NAA50: variants seen among roughly 807,000 people sequenced by gnomAD.
NAA50 encodes the protein N-alpha-acetyltransferase 50, NatE catalytic subunit, also known as N-alpha-acetyltransferase 50.
In NAA50, 7 loss-of-function variants were observed where a neutral mutation model predicts 20.7. That is an observed-to-expected ratio of 0.34 (90% CI 0.19 to 0.63). The LOEUF is 0.63. Ranked by LOEUF, NAA50 falls within the 30% of genes least tolerant of loss-of-function variation. NAA50 has a pLI of 0.75. For missense variants in NAA50, 111 were observed against 199.1 expected (o/e 0.56, Z 2.66); for synonymous variants, 54 against 70.6 (o/e 0.77, Z 1.18).
intron 1 of NAA50, among the ~76,000 whole-genome samples, chr3:113,727,356 T>A (rs919704452): frequency 6.6e-6 from 1 of 152,196 alleles, no homozygotes; most frequent in African/African-American, 2.4e-5. Flanking sequence ...ATGAAAGAAC[T>A]TGAGGTTTTT....
Position 113,723,481 on chromosome 3 carries a change from T to C in NAA50, c.206A>G (p.Gln69Arg). 6.2e-7 allele frequency: 1 copy of C among 1,613,278 alleles called. No individual in the cohort carries two copies. The highest frequency in any genetic ancestry group is 8.5e-7 in the Non-Finnish European group (1 of 1,179,550). Reference sequence around the variant, plus strand: ...TAGTGTCATGATGTAAAGTCTCTTCTGATTCTGTGAATGATCCACCCTACA... The same window carrying C: ...TAGTGTCATGATGTAAAGTCTCTTCCGATTCTGTGAATGATCCACCCTACA... ...VCCRVDHSQN[Q>R]KRLYIMTLGC... is the part of the protein sequence containing the mutation. The change falls in exon 3 of 5, where the codon CAG becomes CGG. Residue 69 changes from glutamine (Q) to arginine (R), a missense_variant. Gln to Arg is a conservative substitution (Grantham distance 43). Transcript: ENST00000240922.
chr3:113,720,740 C>T lies in NAA50; in HGVS notation c.*1020G>A, dbSNP rs1049475415. 2 of 152,276 alleles carry T rather than the reference C, an allele frequency of 1.3e-5. No individual in the cohort carries two copies. The highest frequency in any genetic ancestry group is 4.8e-5 in the African/African-American group (2 of 41,438). The allele number at this position is 152,276 out of a possible 1,614,324, so 9.4% of individuals were successfully genotyped here. A position where few individuals can be genotyped will look rare whatever the true frequency, so the allele number is the denominator to read the frequency against. ...TAAAATCAAATGCTCAGTGGCCACA[C>T]TTTTAACAGCTGGCATTAGATGACA... On this transcript the variant is annotated 3_prime_UTR_variant, in exon 5 of 5. Coordinates refer to ENST00000240922, the MANE Select transcript of NAA50 (RefSeq NM_025146.4).
chr3:113,717,772 ATT>A lies in NAA50; in HGVS notation c.*3986_*3987del, dbSNP rs900283180. On this transcript the variant is annotated 3_prime_UTR_variant, in exon 5 of 5. Coordinates refer to ENST00000240922, the MANE Select transcript of NAA50 (RefSeq NM_025146.4). The stretch of plus-strand genomic sequence containing the variant: ...CAAGAGCACAGCCTTTAGACCCACT[ATT>A]TCTTTTATATCCCGAATAACTGTAA... The A allele has an allele frequency of 2.0e-5, 3 of 152,138 alleles. No homozygotes were observed. Among genetic ancestry groups the A allele is most frequent in the Non-Finnish European group, 2.9e-5 (2 of 68,036 alleles). The allele number at this position is 152,138 out of a possible 1,614,324, so 9.4% of individuals were successfully genotyped here.
chr3:113,735,689 G>T (rs913644713), intron 1 of NAA50, among the ~76,000 whole-genome samples: 1 of 152,178 alleles, frequency 6.6e-6, no homozygotes, highest in Non-Finnish European at 1.5e-5. Flanking sequence ...CAGGTTTTTT[G>T]TTTGTTTGGT....
intron 1 of NAA50, chr3:113,741,220 C>G (rs1559742633): frequency 4.3e-6 from 2 of 466,766 alleles, no homozygotes; most frequent in Non-Finnish European, 8.5e-6. Context: ...CCCAGCATTC[C>G]TGCTCCAGGT....
chr3:113,742,832 C>G (rs1196092183), intron 1 of NAA50, among the ~76,000 whole-genome samples: 1 of 152,094 alleles, frequency 6.6e-6, no homozygotes, highest in Non-Finnish European at 1.5e-5. Flanking sequence ...TAATTTGCAC[C>G]TCTTTACTAC....
Position 113,746,024 on chromosome 3 carries a change from C to CA in NAA50, c.-76_-75insT. 1 of 1,585,016 alleles carries CA rather than the reference C, an allele frequency of 6.3e-7. No homozygotes were observed. Among genetic ancestry groups the CA allele is most frequent in the Non-Finnish European group, 8.5e-7 (1 of 1,169,958 alleles). Reference sequence around the variant, plus strand: ...AGTCGCCGCCCTTAGGTCTCCGCACCCTTAGCTCGGGCCACTCAACCCCGC... The same window carrying CA: ...AGTCGCCGCCCTTAGGTCTCCGCACCACTTAGCTCGGGCCACTCAACCCCGC... On this transcript the variant is annotated 5_prime_UTR_variant, in exon 1 of 5. Coordinates refer to ENST00000240922, the MANE Select transcript of NAA50 (RefSeq NM_025146.4).
At chr3:113,739,451 A>G (rs1197122345) in intron 1 of NAA50, 1 of 152,242 alleles carries the variant, frequency 6.6e-6, no homozygotes, top group East Asian at 1.9e-4. Flanking sequence ...ATTCATTCTT[A>G]GGAAATTATC....
intron 1 of NAA50, chr3:113,739,671 CA>C: frequency 6.6e-6 from 1 of 152,318 alleles, no homozygotes; most frequent in East Asian, 1.9e-4. Context: ...TGAATGGCAA[CA>C]CTTTAACCAA....
intron 1 of NAA50, among the ~76,000 whole-genome samples, chr3:113,730,035 C>T (rs1708252136): frequency 6.6e-6 from 1 of 152,060 alleles, no homozygotes; most frequent in Non-Finnish European, 1.5e-5. Context: ...CACAGTGGCT[C>T]ACACCTGCAA....
intron 1 of NAA50, among the ~76,000 whole-genome samples, chr3:113,725,985 A>G (rs761697007): frequency 6.6e-6 from 1 of 152,218 alleles, no homozygotes; most frequent in Non-Finnish European, 1.5e-5. Context: ...GAAGAACACA[A>G]AAGACAGCAT....
intron 1 of NAA50, chr3:113,739,368 T>C (rs1708383250): frequency 6.6e-6 from 1 of 152,240 alleles, no homozygotes; most frequent in South Asian, 2.1e-4. Flanking sequence ...AATAAATTGC[T>C]ACTATCTTTT....
rs537817145 is a variant in NAA50 at position 113,726,743 on chromosome 3, C to CAA, written c.9-2650_9-2649dup. ...TGGGCGAGAGAGCAAGACTCCGCCT[C>CAA]AAAAAAAAAAAAAAGAAAGAAAGAA... On this transcript the variant is annotated intron_variant, in intron 1 of 4. Transcript: ENST00000240922. Among the ~76,000 whole-genome samples, 191 of 105,856 alleles carry CAA rather than the reference C, an allele frequency of 1.8e-3. 1 individual carries two copies. The highest frequency in any genetic ancestry group is 5.9e-3 in the African/African-American group (165 of 27,916). The allele number at this position is 105,856 out of a possible 152,430, so 69.4% of individuals were successfully genotyped here.
At chr3:113,742,947 T>A (rs1397547419) in intron 1 of NAA50, among the ~76,000 whole-genome samples, 2 of 152,164 alleles carry the variant, frequency 1.3e-5, no homozygotes, top group Non-Finnish European at 2.9e-5. Context: ...TTGCTTGAAA[T>A]CGCCTTCCCT....
intron 1 of NAA50, among the ~76,000 whole-genome samples, chr3:113,729,309 G>A (rs1708240698): frequency 6.6e-6 from 1 of 152,088 alleles, no homozygotes; most frequent in Non-Finnish European, 1.5e-5. Flanking sequence ...TTCTTGATAT[G>A]TTTTCTTATC....
In NAA50 at chr3:113,717,356, T is replaced by C. The variant is rs961321258; in HGVS notation, c.*4404A>G. The C allele has an allele frequency of 7.2e-5, 11 of 152,150 alleles. No homozygotes were observed. The highest frequency in any genetic ancestry group is 1.5e-4 in the Non-Finnish European group (10 of 68,038). The allele number at this position is 152,150 out of a possible 1,614,324, so 9.4% of individuals were successfully genotyped here. ...CTCCAAAACAAAAACAAAAACATTT[T>C]ACCTAAGAAATCAAGTATCTTAAAT... On this transcript the variant is annotated 3_prime_UTR_variant, in exon 5 of 5. Transcript: ENST00000240922.
intron 1 of NAA50, among the ~76,000 whole-genome samples, chr3:113,738,755 T>C (rs1484583291): frequency 6.6e-6 from 1 of 152,232 alleles, no homozygotes; most frequent in African/African-American, 2.4e-5. Flanking sequence ...TAACAAATTA[T>C]ATACACTAGA....
At chr3:113,741,040 A>G (rs764200846) in intron 1 of NAA50, 46 of 485,608 alleles carry the variant, frequency 9.5e-5, no homozygotes, top group Non-Finnish European at 1.6e-4. Context: ...TCCCTTCTTC[A>G]GTGTCTGAGA....
intron 1 of NAA50, among the ~76,000 whole-genome samples, chr3:113,728,904 C>G (rs1287158759): frequency 2.6e-5 from 4 of 152,090 alleles, no homozygotes; most frequent in Non-Finnish European, 5.9e-5. Flanking sequence ...CCTCTCCATC[C>G]TTGGCTGCAG....
Sources: gnomAD v4.1 joint callset for allele counts (sites outside exome capture counted in the v4.1 genomes callset) on GRCh38, gnomAD v4.1.1 for gene constraint, MANE v1.5 for transcripts, NCBI Gene and HGNC (gene_info 2026-07-23, HGNC 2026-07-21) for gene names.